The following ANKH variants were observed in gnomAD, a reference collection of about 807,000 sequenced individuals.
ANKH encodes ANKH inorganic pyrophosphate transport regulator.
In ANKH, 15 loss-of-function variants were observed where a neutral mutation model predicts 49.0. The observed-to-expected ratio is 0.31, with a 90% confidence interval of 0.20 to 0.47. The LOEUF is 0.47. ANKH is among the 20% of genes least tolerant of loss of function. The pLI, the probability that ANKH is intolerant of heterozygous loss-of-function variation, is 1.00. For synonymous variants in ANKH, 273 were observed against 260.0 expected (o/e 1.05, Z -0.48); for missense variants, 429 against 652.0 (o/e 0.66, Z 3.72).
intron 1 of ANKH, among the ~76,000 whole-genome samples, chr5:14,841,547 T>G (rs548216321): frequency 6.6e-6 from 1 of 152,318 alleles, no homozygotes; most frequent in South Asian, 2.1e-4. Context: ...TCCATGCACT[T>G]TAGCCTCCCA....
At chr5:14,795,585 A>C (rs1740347513) in intron 1 of ANKH, among the ~76,000 whole-genome samples, 1 of 152,240 alleles carries the variant, frequency 6.6e-6, no homozygotes, top group Non-Finnish European at 1.5e-5. Flanking sequence ...GTGGTGGCTC[A>C]CGCCTGTAAT....
At chr5:14,858,754 T>TA (rs1299521349) in intron 1 of ANKH, among the ~76,000 whole-genome samples, 14 of 96,284 alleles carry the variant, frequency 1.5e-4, no homozygotes, top group South Asian at 6.3e-4. Context: ...AATAAATAAA[T>TA]AAATAAAATA....
At chr5:14,852,660 G>A (rs1302335160) in intron 1 of ANKH, among the ~76,000 whole-genome samples, 4 of 152,158 alleles carry the variant, frequency 2.6e-5, no homozygotes, top group South Asian at 2.1e-4. Flanking sequence ...ACTGCCTTAC[G>A]TGTGTCCCTA....
chr5:14,800,194 A>AAACTTCAAT (rs1740526828), intron 1 of ANKH, among the ~76,000 whole-genome samples: 1 of 152,258 alleles, frequency 6.6e-6, no homozygotes, highest in Non-Finnish European at 1.5e-5. Context: ...TCTCATGATC[A>AAACTTCAAT]AACTTCAATA....
chr5:14,866,013 C>T (rs59371539), intron 1 of ANKH, among the ~76,000 whole-genome samples: 16,191 of 152,208 alleles, frequency 0.11, 1,238 homozygotes, highest in East Asian at 0.37. Context: ...TTCAGTGAAT[C>T]ATACAAGGCA....
intron 1 of ANKH, among the ~76,000 whole-genome samples, chr5:14,866,904 G>A (rs888826615): frequency 6.6e-6 from 1 of 152,058 alleles, no homozygotes; most frequent in African/African-American, 2.4e-5. Context: ...AGATGTGGTG[G>A]CTCACGTTTT....
intron 1 of ANKH, among the ~76,000 whole-genome samples, chr5:14,846,744 T>C (rs913379152): frequency 2.6e-5 from 4 of 151,992 alleles, no homozygotes; most frequent in Non-Finnish European, 4.4e-5. Flanking sequence ...GTAATCCCAA[T>C]ATTTTGGGAG....
chr5:14,842,085 A>G lies in ANKH; in HGVS notation c.96+29267T>C, dbSNP rs945474870. On this transcript the variant is annotated intron_variant, in intron 1 of 11. Transcript: ENST00000284268. ...AAAAGCTAAACAGATAAATGCTTTC[A>G]CTAAAATTAGACAATTCCTAGGAAA... Among the ~76,000 whole-genome samples, 13 of 152,366 alleles carry G rather than the reference A, an allele frequency of 8.5e-5. No individual in the cohort carries two copies. In the South Asian group the frequency reaches 1.7e-3, roughly 19 times the overall value.
rs1485633510 is a variant in ANKH at position 14,737,896 on chromosome 5, C to G, written c.1011+3931G>C. 1.3e-5 allele frequency among the ~76,000 whole-genome samples: 2 copies of G among 152,236 alleles called. No homozygotes were observed. Among genetic ancestry groups the G allele is most frequent in the Non-Finnish European group, 1.5e-5 (1 of 68,040 alleles). On this transcript the variant is annotated intron_variant, in intron 8 of 11. Transcript: ENST00000284268. This position sits in a 1 kb window ranked among gnomAD's most constrained non-coding sequence, Gnocchi z 5.0. ...TGGATCAACTAAAGGTACCCCCTTT[C>G]TCATCCTCATGCCCATCAGATGGTT...
chr5:14,785,432 T>C (rs545122161), intron 1 of ANKH, among the ~76,000 whole-genome samples: 2 of 152,274 alleles, frequency 1.3e-5, no homozygotes, highest in South Asian at 4.1e-4. Flanking sequence ...CCTCTCTTGC[T>C]CTCACCATGT....
chr5:14,729,919 C>G (rs1007579969), intron 8 of ANKH, among the ~76,000 whole-genome samples: 2 of 152,182 alleles, frequency 1.3e-5, no homozygotes, highest in East Asian at 1.9e-4. Context: ...CTCTCTGCGG[C>G]CTGAAGTTCT....
At chr5:14,869,561 G>GT (rs1735756335) in intron 1 of ANKH, 1 of 152,262 alleles carries the variant, frequency 6.6e-6, no homozygotes, top group Non-Finnish European at 1.5e-5. Context: ...GGTTAGCAAT[G>GT]TTTTAAGGAT....
chr5:14,751,257 G>C lies in ANKH; in HGVS notation c.517-18C>G, dbSNP rs377483135. The C allele has an allele frequency of 9.3e-4, 1,500 of 1,613,452 alleles. 19 individuals carry two copies. The South Asian group carries it at 0.014, about 16-fold the overall frequency. Reference sequence around the variant, plus strand: ...AAAACAACCTGAGAGAAGGGAGAACGGGAACAGGTCAGAGGGGAGAAGCGG... The same window carrying C: ...AAAACAACCTGAGAGAAGGGAGAACCGGAACAGGTCAGAGGGGAGAAGCGG... On this transcript the variant is annotated intron_variant, in intron 4 of 11. Coordinates refer to ENST00000284268, the MANE Select transcript of ANKH (RefSeq NM_054027.6).
rs1328198067 is a variant in ANKH, at chr5:14,707,895, C to G, written c.*3302G>C. 1 of 152,140 alleles carries G rather than the reference C, an allele frequency of 6.6e-6. No homozygotes were observed. The highest frequency in any genetic ancestry group is 1.9e-4 in the East Asian group (1 of 5,186). The allele number at this position is 152,140 out of a possible 1,614,324, so 9.4% of individuals were successfully genotyped here. ...ACTTTGGCACAAGACAAACCCGATG[C>G]AGGCAGTCATGGGGGATGACTGTTT... On this transcript the variant is annotated 3_prime_UTR_variant, in exon 12 of 12. Coordinates refer to ENST00000284268, the MANE Select transcript of ANKH (RefSeq NM_054027.6).
chr5:14,710,911 A>G lies in ANKH; in HGVS notation c.*286T>C, dbSNP rs1003958182. 1.9e-5 allele frequency: 8 copies of G among 416,744 alleles called. No individual in the cohort carries two copies. Among genetic ancestry groups the G allele is most frequent in the South Asian group, 4.2e-5 (2 of 47,592 alleles). 25.8% of individuals were successfully genotyped at this position (416,744 alleles called of 1,614,324 possible). A position where few individuals can be genotyped will look rare whatever the true frequency, so the allele number is the denominator to read the frequency against. On this transcript the variant is annotated 3_prime_UTR_variant, in exon 12 of 12. Coordinates refer to ENST00000284268, the MANE Select transcript of ANKH (RefSeq NM_054027.6). Reference sequence around the variant, plus strand: ...TCCAGGGGAGGAGGACACAACGTCAACCGTGAGGCAGCTGTGTCTTTTGGG... The same window carrying G: ...TCCAGGGGAGGAGGACACAACGTCAGCCGTGAGGCAGCTGTGTCTTTTGGG...
intron 1 of ANKH, among the ~76,000 whole-genome samples, chr5:14,805,975 T>G (rs1044233247): frequency 6.6e-6 from 1 of 152,342 alleles, no homozygotes; most frequent in South Asian, 2.1e-4. Context: ...GCGATACATA[T>G]AACATTAACA....
chr5:14,815,691 C>G (rs1252917117), intron 1 of ANKH, among the ~76,000 whole-genome samples: 1 of 152,088 alleles, frequency 6.6e-6, no homozygotes, highest in Non-Finnish European at 1.5e-5. Context: ...TCCCAGGGCA[C>G]CCCAGACAAA....
intron 1 of ANKH, among the ~76,000 whole-genome samples, chr5:14,837,257 C>T (rs538008852): frequency 6.6e-6 from 1 of 152,058 alleles, no homozygotes; most frequent in African/African-American, 2.4e-5. Flanking sequence ...GGCAACAAAA[C>T]CCAAAATAGA....
intron 6 of ANKH, among the ~76,000 whole-genome samples, chr5:14,747,854 G>A (rs987106901): frequency 2.0e-5 from 3 of 152,102 alleles, no homozygotes; most frequent in Non-Finnish European, 4.4e-5. Context: ...TCACCTCATC[G>A]CTCCCCAGCT....
Sources: gnomAD v4.1 joint callset for allele counts (sites outside exome capture counted in the v4.1 genomes callset) on GRCh38, gnomAD v4.1.1 for gene constraint, Gnocchi (gnomAD v3.1) non-coding constraint, MANE v1.5 for transcripts, NCBI Gene and HGNC (gene_info 2026-07-23, HGNC 2026-07-21) for gene names.